ADGRV1: variants seen among roughly 807,000 people sequenced by gnomAD.
ADGRV1 encodes G-protein coupled receptor 98.
A neutral mutation model predicts 596.2 loss-of-function variants in ADGRV1; 359 were observed. The observed-to-expected ratio is 0.60, with a 90% CI of 0.55 to 0.66. The LOEUF (loss-of-function observed/expected upper bound fraction) is 0.66. Ranked by LOEUF, ADGRV1 falls within the 30% of genes least tolerant of loss-of-function variation. The probability of loss-of-function intolerance (pLI) is 0.00; values close to 1 mark genes in which losing one functional copy is unlikely to be tolerated. For missense variants in ADGRV1, 7,274 were observed against 7,575.6 expected (o/e 0.96, Z 1.48); for synonymous variants, 2,681 against 2,679.2 (o/e 1.00, Z -0.02).
intron 83 of ADGRV1, among the ~76,000 whole-genome samples, chr5:90,921,434 A>G (rs1773867041): frequency 6.6e-6 from 1 of 152,032 alleles, no homozygotes; most frequent in South Asian, 2.1e-4. Flanking sequence ...GCTTCTATAA[A>G]CCTTTCATAT....
In ADGRV1 at chr5:90,919,887, G is replaced by A. The variant is rs151074121; in HGVS notation, c.17857-45528G>A. On this transcript the variant is annotated intron_variant, in intron 83 of 89. Transcript: ENST00000405460. ...CACATGGCTGTAATCCCAGCTACTC[G>A]GGAGGCTGAGGCAGGAGAATCGCTT... Among the ~76,000 whole-genome samples, 39 of 151,718 alleles carry A rather than the reference G, an allele frequency of 2.6e-4. No homozygotes were observed. The East Asian group carries it at 7.4e-3, about 29-fold the overall frequency.
intron 58 of ADGRV1, chr5:90,762,746 G>C (rs1049697004): frequency 1.3e-5 from 2 of 152,376 alleles, no homozygotes; most frequent in African/African-American, 4.8e-5. Flanking sequence ...GTTTAGGTCT[G>C]TATTATGTGA....
chr5:90,598,192 G>T (rs1313074209), intron 1 of ADGRV1, among the ~76,000 whole-genome samples: 1 of 152,304 alleles, frequency 6.6e-6, no homozygotes, highest in Middle Eastern at 3.4e-3. Flanking sequence ...GTTTACTGCG[G>T]TATACCCACG....
intron 59 of ADGRV1, among the ~76,000 whole-genome samples, chr5:90,767,832 C>T (rs1016953471): frequency 9.2e-5 from 14 of 152,160 alleles, no homozygotes; most frequent in African/African-American, 3.4e-4. Flanking sequence ...ACATGTTCTG[C>T]CATCATTCTT....
At position 90,683,795 on chromosome 5, in the gene ADGRV1, T is replaced by C. The variant is rs367830759; in HGVS notation, c.5874T>C (p.Ser1958=). The C allele has an allele frequency of 5.0e-6, 8 of 1,613,782 alleles. No individual in the cohort carries two copies. In the African/African-American group the frequency reaches 1.1e-4, roughly 22 times the overall value. ...SVSVLSVSSG[S]LGAHINATLT... is the part of the protein sequence containing the mutation. Reference sequence around the variant, plus strand: ...CAGTCCTCAGTGTTTCCAGTGGTTCTTTGGGAGCTCATATTAATGCCACGT... The same window carrying C: ...CAGTCCTCAGTGTTTCCAGTGGTTCCTTGGGAGCTCATATTAATGCCACGT... The change falls in exon 28 of 90, where the codon TCT becomes TCC. Residue 1958 remains serine, a synonymous_variant. Coordinates refer to ENST00000405460, the MANE Select transcript of ADGRV1 (RefSeq NM_032119.4).
rs1772666130 is a variant in ADGRV1 at position 90,672,747 on chromosome 5, T to C, written c.4929+25T>C. 3 of 1,534,964 alleles carry C rather than the reference T, an allele frequency of 2.0e-6. No individual in the cohort carries two copies. In the East Asian group the frequency reaches 6.9e-5, roughly 35 times the overall value. On this transcript the variant is annotated intron_variant, in intron 22 of 89. Transcript: ENST00000405460. ...GGTAAACCCTACCTTTTTTGTTCCT[T>C]TGAAAGCCTCCTGGAAAGCTTTTCC...
Position 90,689,770 on chromosome 5 carries a change from TAA to T in ADGRV1, c.6491-89_6491-88del, listed in dbSNP as rs572748985. 770 of 811,440 alleles carry T rather than the reference TAA, an allele frequency of 9.5e-4. 11 individuals carry two copies. The South Asian group carries it at 0.013, about 14-fold the overall frequency. 50.3% of individuals were successfully genotyped at this position (811,440 alleles called of 1,614,324 possible). A position where few individuals can be genotyped will look rare whatever the true frequency, so the allele number is the denominator to read the frequency against. On this transcript the variant is annotated intron_variant, in intron 29 of 89. Transcript: ENST00000405460. ...AAAAAAGTATTTCCAAGTAGATCCA[TAA>T]AGTTTGTTACCTGATAGTTTTTCCC...
chr5:91,153,134 A>C, intron 88 of ADGRV1, 87 bp from the exon 89 acceptor site: 5 of 1,063,938 alleles, frequency 4.7e-6, no homozygotes, highest in Non-Finnish European at 7.0e-6. Context: ...ACGGAGAGGC[A>C]GAGATCAATT....
chr5:90,640,804 TC>T (rs1766873306), intron 11 of ADGRV1: 1 of 152,772 alleles, frequency 6.5e-6, no homozygotes, highest in East Asian at 1.9e-4. Flanking sequence ...GCCTCCTTTT[TC>T]CCCTTCCCAC....
intron 83 of ADGRV1, among the ~76,000 whole-genome samples, chr5:90,949,142 A>T (rs1357093226): frequency 6.6e-6 from 1 of 152,164 alleles, no homozygotes; most frequent in African/African-American, 2.4e-5. Flanking sequence ...CACATACTAC[A>T]TGGTTCCATT....
At position 90,750,826 on chromosome 5, in the gene ADGRV1, T is replaced by C. The variant is rs182872373; in HGVS notation, c.11121+129T>C. On this transcript the variant is annotated intron_variant, in intron 53 of 89. Transcript: ENST00000405460. ...ATCAACACTGAATTCCTACTAATCA[T>C]TGTAGAGAGGGATACAATTTAAGGT... 1.8e-4 allele frequency: 115 copies of C among 637,150 alleles called. No individual in the cohort carries two copies. The African/African-American group carries it at 1.9e-3, about 11-fold the overall frequency. 39.5% of individuals were successfully genotyped at this position (637,150 alleles called of 1,614,324 possible).
At chr5:90,713,543 T>G (rs920555287) in intron 42 of ADGRV1, among the ~76,000 whole-genome samples, 1 of 152,172 alleles carries the variant, frequency 6.6e-6, no homozygotes, top group Non-Finnish European at 1.5e-5. Context: ...ATTGGTTTAT[T>G]TAACCTGAGG....
chr5:90,613,380 G>A (rs2152047076), intron 1 of ADGRV1, among the ~76,000 whole-genome samples: 1 of 152,204 alleles, frequency 6.6e-6, no homozygotes, highest in South Asian at 2.1e-4. Context: ...ACCTTCACCT[G>A]GCTTTGGTTT....
intron 77 of ADGRV1, among the ~76,000 whole-genome samples, chr5:90,829,611 T>A (rs1240368712): frequency 6.6e-6 from 1 of 152,168 alleles, no homozygotes. Flanking sequence ...TTCAAATCCA[T>A]GTGTTCACAA....
rs1011861516 is a variant in ADGRV1, at chr5:90,982,376, C to T, written c.17974-2968C>T. The stretch of plus-strand genomic sequence containing the variant: ...TGAGGACATATTGTATAGTCAAATG[C>T]TCCACCATCTTCTTTTGGTTTTTAA... On this transcript the variant is annotated intron_variant, in intron 84 of 89. Transcript: ENST00000405460. 3.9e-5 allele frequency among the ~76,000 whole-genome samples: 6 copies of T among 152,106 alleles called. No homozygotes were observed. In the South Asian group the frequency reaches 6.2e-4, roughly 16 times the overall value.
chr5:91,071,849 G>A (rs543814089), intron 85 of ADGRV1, among the ~76,000 whole-genome samples: 2 of 151,708 alleles, frequency 1.3e-5, no homozygotes, highest in Non-Finnish European at 2.9e-5. Context: ...TAATTTTTTT[G>A]TATTTTTAGT....
At chr5:91,004,188 T>C (rs924989955) in intron 85 of ADGRV1, among the ~76,000 whole-genome samples, 1 of 152,186 alleles carries the variant, frequency 6.6e-6, no homozygotes, top group African/African-American at 2.4e-5. Context: ...AGTGAACTGA[T>C]GAAAAAGCAT....
chr5:91,162,724 G>C (rs1797059902), intron 89 of ADGRV1, among the ~76,000 whole-genome samples: 1 of 152,152 alleles, frequency 6.6e-6, no homozygotes, highest in Non-Finnish European at 1.5e-5. Context: ...AAGAAGGAGG[G>C]CTTGGCTAGA....
rs1029167436 is a variant in ADGRV1, at chr5:90,960,420, C to T, written c.17857-4995C>T. Among the ~76,000 whole-genome samples the T allele has an allele frequency of 5.3e-5, 8 of 152,164 alleles. No homozygotes were observed. In the South Asian group the frequency reaches 1.7e-3, roughly 32 times the overall value. On this transcript the variant is annotated intron_variant, in intron 83 of 89. Coordinates refer to ENST00000405460, the MANE Select transcript of ADGRV1 (RefSeq NM_032119.4). ...ATAGAATTCCGTACAGGATGCTTGCCGTGTTCTCTTTTTTACAAAAATGTA... is the reference window on the plus strand; with the variant it reads ...ATAGAATTCCGTACAGGATGCTTGCTGTGTTCTCTTTTTTACAAAAATGTA...
Sources: gnomAD v4.1 joint callset for allele counts (sites outside exome capture counted in the v4.1 genomes callset) on GRCh38, gnomAD v4.1.1 for gene constraint, MANE v1.5 for transcripts, NCBI Gene and HGNC (gene_info 2026-07-23, HGNC 2026-07-21) for gene names.